Variants in MLKL observed in about 807,000 individuals in gnomAD.
The protein encoded by MLKL is mixed lineage kinase domain like pseudokinase, also known as mixed lineage kinase domain-like protein.
A neutral mutation model predicts 56.5 loss-of-function variants in MLKL; 55 were observed. The ratio of observed to expected loss-of-function variants is 0.97; its 90% CI spans 0.78 to 1.22. MLKL has a LOEUF of 1.22. MLKL is among the 50% of genes most tolerant of loss of function. MLKL has a pLI of 0.00. For synonymous variants in MLKL, 251 were observed against 208.3 expected (o/e 1.20, Z -1.76); for missense variants, 694 against 573.9 (o/e 1.21, Z -2.14).
At chr16:74,697,004 TATA>T (rs201148677) in intron 1 of MLKL, among the ~76,000 whole-genome samples, 3,823 of 147,264 alleles carry the variant, frequency 0.026, 127 homozygotes, top group African/African-American at 0.08. Flanking sequence ...AATACATATA[TATA>T]ATATTACATA....
At chr16:74,692,204 C>T (rs1192372292) in intron 3 of MLKL, 138 bp downstream of exon 3, 4 of 747,120 alleles carry the variant, frequency 5.4e-6, no homozygotes, top group Non-Finnish European at 9.0e-6. Context: ...TGAATGGATC[C>T]CCAAACCTGT....
rs1186283623 is a variant in MLKL, at chr16:74,691,434, G to C, written c.565C>G (p.Pro189Ala). 1 of 1,613,780 alleles carries C rather than the reference G, an allele frequency of 6.2e-7. No individual in the cohort carries two copies. Among genetic ancestry groups the C allele is most frequent in the Admixed American group, 1.7e-5 (1 of 59,906 alleles). ...YLPPKCMQEIPQEQIKEIKKE... is the reference protein window; with the variant it reads ...YLPPKCMQEIAQEQIKEIKKE... ...TTGATCTCCTTGATTTGCTCTTGCG[G>C]GATCTCCTGCATGCATTTTGGTGGT... The change falls in exon 4 of 11, where the codon CCG (proline) becomes GCG (alanine). Residue 189 changes from proline to alanine, a missense_variant. By Grantham distance (27) the Pro-to-Ala change is conservative. Coordinates refer to ENST00000308807, the MANE Select transcript of MLKL (RefSeq NM_152649.4).
chr16:74,689,636 A>G (rs1158441224), intron 4 of MLKL, among the ~76,000 whole-genome samples: 1 of 152,206 alleles, frequency 6.6e-6, no homozygotes. Flanking sequence ...ATCGAAATTT[A>G]CTGCAAAGTC....
intron 10 of MLKL, among the ~76,000 whole-genome samples, chr16:74,674,084 T>C (rs1459864793): frequency 6.6e-6 from 1 of 151,968 alleles, no homozygotes; most frequent in Non-Finnish European, 1.5e-5. Flanking sequence ...CTTACACTAT[T>C]GACATTGGGG....
chr16:74,690,314 T>C (rs1960586843), intron 4 of MLKL, among the ~76,000 whole-genome samples: 1 of 152,174 alleles, frequency 6.6e-6, no homozygotes, highest in Non-Finnish European at 1.5e-5. Context: ...GCATAGACAC[T>C]GTTCTGAAGA....
chr16:74,689,568 T>G (rs76514788), intron 4 of MLKL, among the ~76,000 whole-genome samples: 6,127 of 152,278 alleles, frequency 0.04, 140 homozygotes, highest in African/African-American at 0.078. Flanking sequence ...CTTTGATATT[T>G]ATTCAGCTAA....
intron 4 of MLKL, among the ~76,000 whole-genome samples, chr16:74,688,888 T>C (rs949388992): frequency 3.3e-5 from 5 of 152,198 alleles, no homozygotes; most frequent in Non-Finnish European, 7.3e-5. Context: ...AAATGATACT[T>C]GCTATAATAT....
intron 1 of MLKL, among the ~76,000 whole-genome samples, chr16:74,698,426 AT>A (rs1220882243): frequency 6.6e-6 from 1 of 152,158 alleles, no homozygotes; most frequent in African/African-American, 2.4e-5. Context: ...AGCAATCGAT[AT>A]AGTTGTGTTT....
intron 2 of MLKL, among the ~76,000 whole-genome samples, chr16:74,692,972 T>C (rs182615436): frequency 6.6e-6 from 1 of 152,356 alleles, no homozygotes; most frequent in East Asian, 1.9e-4. Context: ...TGAGGAGCTC[T>C]GGGGACATGA....
At chr16:74,692,529 A>G (rs1458863376) in intron 2 of MLKL, 113 bp from the exon 3 acceptor site, 1 of 804,216 alleles carries the variant, frequency 1.2e-6, no homozygotes, top group Non-Finnish European at 2.0e-6. Context: ...TATCATATTC[A>G]TTATGGTAGG....
At chr16:74,685,230 C>T (rs1034074760) in intron 5 of MLKL, among the ~76,000 whole-genome samples, 1 of 152,150 alleles carries the variant, frequency 6.6e-6, no homozygotes, top group Non-Finnish European at 1.5e-5. Flanking sequence ...CATGCACCCC[C>T]TTATTTCCCA....
Position 74,678,921 on chromosome 16 carries a change from A to T in MLKL, c.1016T>A (p.Val339Glu). The change falls in exon 7 of 11, where the codon GTA becomes GAA. Residue 339 changes from valine to glutamate, a missense_variant. Physicochemically the swap from Val to Glu is moderately radical, Grantham distance 121. Transcript: ENST00000308807. Reference protein sequence around the residue: ...HGKIRSSNFLVTQGYQVKLAG... With the variant: ...HGKIRSSNFLETQGYQVKLAG... ...CACCTTCACTTGGTAGCCTTGAGTT[A>T]CCAGGAAGTTTGAGCTTCTGATTTT... 6.2e-7 allele frequency: 1 copy of T among 1,614,166 alleles called. No homozygotes were observed. The highest frequency in any genetic ancestry group is 8.5e-7 in the Non-Finnish European group (1 of 1,180,020).
chr16:74,675,313 C>T (rs781293762), intron 9 of MLKL, 42 bp downstream of exon 9: 1 of 1,613,814 alleles, frequency 6.2e-7, no homozygotes, highest in South Asian at 1.1e-5. Flanking sequence ...TGGAAGGGGA[C>T]CCAACCTCAC....
At chr16:74,688,639 A>G (rs1960480462) in intron 4 of MLKL, among the ~76,000 whole-genome samples, 1 of 152,074 alleles carries the variant, frequency 6.6e-6, no homozygotes, top group Non-Finnish European at 1.5e-5. Context: ...GCTTGAACCT[A>G]GGAGATGGAG....
intron 6 of MLKL, 106 bp downstream of exon 6, chr16:74,682,545 G>A: frequency 2.1e-6 from 3 of 1,454,878 alleles, no homozygotes; most frequent in South Asian, 1.3e-5. Context: ...TGTATGGGAG[G>A]GAGACTGTCT....
chr16:74,676,339 C>T, intron 7 of MLKL: 1 of 985,768 alleles, frequency 1.0e-6, no homozygotes, highest in Non-Finnish European at 1.2e-6. Context: ...ATCATGACAG[C>T]ATATGTTCTT....
At chr16:74,679,872 G>C (rs1959831367) in intron 6 of MLKL, among the ~76,000 whole-genome samples, 1 of 152,084 alleles carries the variant, frequency 6.6e-6, no homozygotes, top group South Asian at 2.1e-4. Flanking sequence ...GCTCCCAGGA[G>C]AAATGGTTGA....
At position 74,675,599 on chromosome 16, in the gene MLKL, G is replaced by C. The variant is rs754268964; in HGVS notation, c.1190+14C>G. On this transcript the variant is annotated intron_variant, in intron 8 of 10. Coordinates refer to ENST00000308807, the MANE Select transcript of MLKL (RefSeq NM_152649.4). ...CACATCTGAGTTAGAATCTGTACCA[G>C]AACGTGAGTGTACCTGTATATTTCA... 8.1e-6 allele frequency: 13 copies of C among 1,609,988 alleles called. No homozygotes were observed. Among genetic ancestry groups the C allele is most frequent in the Non-Finnish European group, 1.1e-5 (13 of 1,178,674 alleles).
Position 74,695,331 on chromosome 16 carries a change from C to G in MLKL, c.427G>C (p.Glu143Gln). 1 of 1,614,132 alleles carries G rather than the reference C, an allele frequency of 6.2e-7. No homozygotes were observed. ...AGCATCTGGAAAGCTCGCCTGTCTT[C>G]GTCTGCATCCTGCTGATCTTCCTGT... ...WAQEDQQDAD[E>Q]DRRAFQMLRR... The change falls in exon 2 of 11, where the codon GAA becomes CAA. Residue 143 changes from glutamate (E) to glutamine (Q), a missense_variant. Glu to Gln is a conservative substitution (Grantham distance 29). Transcript: ENST00000308807.
Sources: allele counts gnomAD v4.1 joint callset (sites outside exome capture counted in the v4.1 genomes callset), GRCh38; gene constraint gnomAD v4.1.1; transcripts MANE v1.5; gene names NCBI Gene and HGNC (gene_info 2026-07-23, HGNC 2026-07-21).